Variants in ANO3 observed in about 807,000 individuals in gnomAD.
ANO3 encodes the protein anoctamin-3.
Under a neutral mutation model 144.8 loss-of-function variants are expected in ANO3, and 99 were observed. The observed-to-expected ratio is 0.68, with a 90% CI of 0.58 to 0.81. The LOEUF (loss-of-function observed/expected upper bound fraction) is 0.81. Ranked by LOEUF, ANO3 falls within the 30% of genes least tolerant of loss-of-function variation. ANO3 has a pLI of 0.00. For synonymous variants in ANO3, 414 were observed against 392.6 expected, an observed-to-expected ratio of 1.05 and a Z score of -0.64; for missense variants, 905 against 1,202.2, an observed-to-expected ratio of 0.75 and a Z score of 3.66.
intron 1 of ANO3, among the ~76,000 whole-genome samples, chr11:26,216,071 C>A (rs1852030335): frequency 6.6e-6 from 1 of 151,972 alleles, no homozygotes; most frequent in African/African-American, 2.4e-5. Flanking sequence ...CAAACCCCTG[C>A]AGTTAGGTTG....
At chr11:26,230,896 T>C (rs112260778) in intron 1 of ANO3, among the ~76,000 whole-genome samples, 1 of 145,346 alleles carries the variant, frequency 6.9e-6, no homozygotes, top group Non-Finnish European at 1.5e-5. Context: ...TCTTTTTTTT[T>C]TTTTTTCTTT....
At chr11:26,565,996 T>C in intron 14 of ANO3, 1 of 1,167,092 alleles carries the variant, frequency 8.6e-7, no homozygotes, top group African/African-American at 1.6e-5. Flanking sequence ...AGACATAATA[T>C]AGAGATGGTA....
At chr11:26,474,264 C>A in intron 4 of ANO3, 1 of 203,866 alleles carries the variant, frequency 4.9e-6, no homozygotes, top group Non-Finnish European at 8.7e-6. Flanking sequence ...TTTCAAAATA[C>A]TAGATATATA....
intron 3 of ANO3, among the ~76,000 whole-genome samples, chr11:26,452,246 G>C (rs1279631156): frequency 1.3e-5 from 2 of 151,812 alleles, no homozygotes; most frequent in African/African-American, 4.8e-5. Context: ...TGACTTTGAC[G>C]AGCTGAGAGA....
chr11:26,587,762 G>A (rs1216319725), intron 14 of ANO3, among the ~76,000 whole-genome samples: 1 of 152,030 alleles, frequency 6.6e-6, no homozygotes, highest in South Asian at 2.1e-4. Context: ...TTCAAAACCA[G>A]ACTGGACAAC....
intron 14 of ANO3, among the ~76,000 whole-genome samples, chr11:26,576,627 T>C (rs539046655): frequency 1.3e-5 from 2 of 152,332 alleles, no homozygotes; most frequent in East Asian, 3.9e-4. Flanking sequence ...GAAACCCTTT[T>C]TTCCTGACCT....
At chr11:26,358,005 T>A (rs1041464383) in intron 1 of ANO3, among the ~76,000 whole-genome samples, 1 of 152,196 alleles carries the variant, frequency 6.6e-6, no homozygotes, top group Non-Finnish European at 1.5e-5. Context: ...GATCTGTTAC[T>A]GGGCTGTTTC....
chr11:26,245,893 C>T (rs11029421), intron 1 of ANO3, among the ~76,000 whole-genome samples: 54,494 of 152,034 alleles, frequency 0.36, 9,902 homozygotes, highest in African/African-American at 0.37. Flanking sequence ...GAGCAGGCAA[C>T]GGTTTGTGAC....
At chr11:26,618,578 T>C (rs1852326575) in intron 17 of ANO3, among the ~76,000 whole-genome samples, 2 of 152,208 alleles carry the variant, frequency 1.3e-5, no homozygotes, top group South Asian at 4.1e-4. Flanking sequence ...GGGTTTCTAT[T>C]GTATTTATTG....
intron 12 of ANO3, among the ~76,000 whole-genome samples, chr11:26,549,525 A>G (rs909624120): frequency 6.6e-5 from 10 of 151,968 alleles, no homozygotes; most frequent in African/African-American, 2.4e-4. Flanking sequence ...AAAATGTTCC[A>G]AAGATGCAGA....
chr11:26,482,513 A>T, intron 4 of ANO3, among the ~76,000 whole-genome samples: 1 of 150,818 alleles, frequency 6.6e-6, no homozygotes, highest in East Asian at 2.0e-4. Context: ...CTGACTTGAG[A>T]TGTTTTCACC....
At chr11:26,539,146 A>G (rs1484098534) in intron 10 of ANO3, among the ~76,000 whole-genome samples, 2 of 142,230 alleles carry the variant, frequency 1.4e-5, no homozygotes, top group Admixed American at 6.9e-5. Context: ...ACACACACAC[A>G]CACACACACA....
Position 26,548,890 on chromosome 11 carries a change from G to T in ANO3, c.1289+1340G>T, listed in dbSNP as rs532459475. The stretch of plus-strand genomic sequence containing the variant: ...CCTTTTCGGCATTTCCCCGTATTCT[G>T]TTGTATCAGTAACATCCGGGGCTCA... On this transcript the variant is annotated intron_variant, in intron 12 of 26. Transcript: ENST00000256737. Among the ~76,000 whole-genome samples, 11 of 150,906 alleles carry T rather than the reference G, an allele frequency of 7.3e-5. No individual in the cohort carries two copies. The South Asian group carries it at 2.3e-3, about 32-fold the overall frequency.
intron 1 of ANO3, among the ~76,000 whole-genome samples, chr11:26,424,668 T>A (rs79444108): frequency 0.013 from 1,962 of 152,218 alleles, 43 homozygotes; most frequent in African/African-American, 0.045. Flanking sequence ...GATCACTTAA[T>A]ATTCTACATC....
At chr11:26,386,718 T>C (rs1856744492) in intron 1 of ANO3, among the ~76,000 whole-genome samples, 1 of 152,160 alleles carries the variant, frequency 6.6e-6, no homozygotes, top group African/African-American at 2.4e-5. Flanking sequence ...ATGTAATCTT[T>C]AAAATTGCAA....
At chr11:26,528,584 A>G (rs895147954) in intron 7 of ANO3, among the ~76,000 whole-genome samples, 6 of 152,284 alleles carry the variant, frequency 3.9e-5, no homozygotes, top group African/African-American at 1.4e-4. Context: ...TGTAATTAGA[A>G]TGCTTCCTTT....
chr11:26,595,150 G>A (rs1024009292), intron 14 of ANO3, among the ~76,000 whole-genome samples: 1 of 152,178 alleles, frequency 6.6e-6, no homozygotes, highest in African/African-American at 2.4e-5. Flanking sequence ...TTTCCAGGGT[G>A]TGTAACCAAC....
intron 1 of ANO3, among the ~76,000 whole-genome samples, chr11:26,435,407 G>C (rs1057153785): frequency 1.3e-5 from 2 of 152,134 alleles, no homozygotes; most frequent in Non-Finnish European, 2.9e-5. Flanking sequence ...AGATGGTCTT[G>C]TGTAGAATCT....
chr11:26,501,862 TG>T (rs1446673027), intron 4 of ANO3, among the ~76,000 whole-genome samples: 8 of 152,204 alleles, frequency 5.3e-5, no homozygotes, highest in Admixed American at 5.2e-4. Context: ...AATAGGGTGC[TG>T]GAACAGTTGG....
Sources: gnomAD v4.1 joint callset for allele counts (sites outside exome capture counted in the v4.1 genomes callset) on GRCh38, gnomAD v4.1.1 for gene constraint, MANE v1.5 for transcripts, NCBI Gene and HGNC (gene_info 2026-07-23, HGNC 2026-07-21) for gene names.